The following CBLN2 variants were observed in gnomAD, a reference collection of about 807,000 sequenced individuals.
CBLN2 encodes the protein cerebellin-2.
Under a neutral mutation model 15.0 loss-of-function variants are expected in CBLN2, and 7 were observed. That is an observed-to-expected ratio of 0.47 (90% confidence interval 0.27 to 0.88). The LOEUF (loss-of-function observed/expected upper bound fraction) is 0.88, where lower values mean the gene tolerates loss of function less well. Ranked by LOEUF, CBLN2 falls within the 40% of genes least tolerant of loss-of-function variation. The pLI is 0.14. For synonymous variants in CBLN2, 149 were observed against 135.2 expected (o/e 1.10, Z -0.71); for missense variants, 242 against 304.5 (o/e 0.79, Z 1.53).
chr18:72,557,034 C>T (rs1318845448), intron 1 of CBLN2, among the ~76,000 whole-genome samples: 1 of 151,422 alleles, frequency 6.6e-6, no homozygotes, highest in Non-Finnish European at 1.5e-5. Flanking sequence ...TTTCTATCTT[C>T]TATCATGTCA....
chr18:72,600,086 C>G (rs988300834), intron 1 of CBLN2, among the ~76,000 whole-genome samples: 3 of 152,102 alleles, frequency 2.0e-5, no homozygotes, highest in African/African-American at 7.2e-5. Flanking sequence ...CACCTGTTTC[C>G]CTAGCATTGT....
chr18:72,577,309 T>A (rs1026094583), intron 1 of CBLN2, among the ~76,000 whole-genome samples: 6 of 152,098 alleles, frequency 3.9e-5, no homozygotes, highest in African/African-American at 1.4e-4. Flanking sequence ...GTTTTATAAT[T>A]ATTTTTTAAA....
chr18:72,551,340 T>G (rs1412701947), intron 1 of CBLN2, among the ~76,000 whole-genome samples: 1 of 152,216 alleles, frequency 6.6e-6, no homozygotes, highest in Non-Finnish European at 1.5e-5. Context: ...GTGTATGTTT[T>G]GGTTTATAGA....
chr18:72,632,116 G>C (rs2144980471), intron 1 of CBLN2, among the ~76,000 whole-genome samples: 1 of 152,054 alleles, frequency 6.6e-6, no homozygotes. Context: ...AAATAGTAAT[G>C]ATCAAAAACA....
At chr18:72,591,444 A>T (rs1366385793) in intron 1 of CBLN2, among the ~76,000 whole-genome samples, 1 of 152,184 alleles carries the variant, frequency 6.6e-6, no homozygotes, top group East Asian at 1.9e-4. Context: ...TAATAATCAC[A>T]TCACTGTAAA....
chr18:72,575,718 G>A (rs543812008), intron 1 of CBLN2, among the ~76,000 whole-genome samples: 2 of 152,286 alleles, frequency 1.3e-5, no homozygotes, highest in African/African-American at 4.8e-5. Flanking sequence ...CGATTTTGTT[G>A]ATGCTGGACT....
chr18:72,620,810 T>C (rs1032962664), intron 1 of CBLN2, among the ~76,000 whole-genome samples: 1 of 152,174 alleles, frequency 6.6e-6, no homozygotes, highest in Admixed American at 6.5e-5. Context: ...ATTTTGCCTT[T>C]CCAAAATTGG....
chr18:72,539,123 CA>C (rs1329266742), intron 3 of CBLN2: 1 of 210,186 alleles, frequency 4.8e-6, no homozygotes, highest in East Asian at 1.1e-4. Context: ...AAATTGAGTC[CA>C]GGGAGGTCTG....
At position 72,543,415 on chromosome 18, in the gene CBLN2, G is replaced by A. The variant is rs1318763036; in HGVS notation, c.-167+71C>T. Reference sequence around the variant, plus strand: ...TCCTCCACCCCTCGATCTGGACCAGGGAGAGTCTTCGTTAAAATCCACGCA... The same window carrying A: ...TCCTCCACCCCTCGATCTGGACCAGAGAGAGTCTTCGTTAAAATCCACGCA... On this transcript the variant is annotated intron_variant, in intron 2 of 4. Transcript: ENST00000269503. The surrounding 1 kb of genome is among the most constrained non-coding windows in gnomAD (Gnocchi z 6.8). 5.0e-6 allele frequency: 2 copies of A among 398,164 alleles called. No individual in the cohort carries two copies. The highest frequency in any genetic ancestry group is 4.4e-6 in the Non-Finnish European group (1 of 225,978). 24.7% of individuals were successfully genotyped at this position (398,164 alleles called of 1,614,324 possible). A position where few individuals can be genotyped will look rare whatever the true frequency, so the allele number is the denominator to read the frequency against.
intron 1 of CBLN2, among the ~76,000 whole-genome samples, chr18:72,624,311 G>A (rs979199049): frequency 3.3e-5 from 5 of 151,358 alleles, no homozygotes; most frequent in African/African-American, 1.2e-4. Context: ...TTGTAAAACC[G>A]CATGTTTTTT....
rs2069133326 is a variant in CBLN2, at chr18:72,543,413, A to T, written c.-167+73T>A. ...CCTCCTCCACCCCTCGATCTGGACC[A>T]GGGAGAGTCTTCGTTAAAATCCACG... On this transcript the variant is annotated intron_variant, in intron 2 of 4. Transcript: ENST00000269503. This position sits in a 1 kb window ranked among gnomAD's most constrained non-coding sequence, Gnocchi z 6.8. The T allele has an allele frequency of 5.0e-6, 2 of 397,998 alleles. No individual in the cohort carries two copies. Among genetic ancestry groups the T allele is most frequent in the Non-Finnish European group, 8.9e-6 (2 of 225,876 alleles). 24.7% of individuals were successfully genotyped at this position (397,998 alleles called of 1,614,324 possible).
chr18:72,633,991 C>G (rs2069794968), intron 1 of CBLN2, among the ~76,000 whole-genome samples: 1 of 152,020 alleles, frequency 6.6e-6, no homozygotes, highest in South Asian at 2.1e-4. Flanking sequence ...CTCATGAATC[C>G]TGTTTTAGAG....
intron 1 of CBLN2, among the ~76,000 whole-genome samples, chr18:72,568,104 G>A (rs966826156): frequency 2.6e-5 from 4 of 151,984 alleles, no homozygotes; most frequent in South Asian, 4.2e-4. Flanking sequence ...GTCAAATGCC[G>A]CTATATCCAT....
At chr18:72,540,310 A>G (rs1284918517) in intron 3 of CBLN2, 1 of 152,108 alleles carries the variant, frequency 6.6e-6, no homozygotes, top group Non-Finnish European at 1.5e-5. Flanking sequence ...AGAACACCCA[A>G]CCAGATCCTG....
chr18:72,538,176 T>G lies in CBLN2; in HGVS notation c.675A>C (p.Ter225TyrextTer20), dbSNP rs780827068. 1.9e-6 allele frequency: 3 copies of G among 1,614,058 alleles called. No homozygotes were observed. Among genetic ancestry groups the G allele is most frequent in the Non-Finnish European group, 1.7e-6 (2 of 1,179,996 alleles). Reference sequence around the variant, plus strand: ...CCCCACCATCTAGGGGGCTCTGTGTTTATAGAGGAAACACCAAGAAGCCCG... The same window carrying G: ...CCCCACCATCTAGGGGGCTCTGTGTGTATAGAGGAAACACCAAGAAGCCCG... Reference protein sequence around the residue: ...TFSGFLVFPL* With the variant: ...TFSGFLVFPLY Residue 225 changes from the stop codon to tyrosine, a stop_lost, in exon 5 of 5, where the codon TAA (stop) becomes TAC (tyrosine). Coordinates refer to ENST00000269503, the MANE Select transcript of CBLN2 (RefSeq NM_182511.4).
In CBLN2 at chr18:72,541,992, G is replaced by T. The variant is rs1234749287; in HGVS notation, c.169C>A (p.Pro57Thr). ...AGGCACTTGCCCTCCAGCACGATGG[G>T]CTCCGTGTCGTTCTGCGCCCGCACG... The part of the protein sequence containing the change: ...CPVRAQNDTE[P>T]IVLEGKCLVV... Residue 57 changes from proline (P) to threonine (T), a missense_variant, in exon 3 of 5, where the codon CCC (proline) becomes ACC (threonine). By Grantham distance (38) the Pro-to-Thr change is conservative (BLOSUM62 -1). Coordinates refer to ENST00000269503, the MANE Select transcript of CBLN2 (RefSeq NM_182511.4). The T allele has an allele frequency of 3.7e-6, 6 of 1,604,032 alleles. No individual in the cohort carries two copies. Among genetic ancestry groups the T allele is most frequent in the Non-Finnish European group, 5.1e-6 (6 of 1,179,270 alleles).
At chr18:72,612,234 G>T (rs1293399339) in intron 1 of CBLN2, among the ~76,000 whole-genome samples, 1 of 151,926 alleles carries the variant, frequency 6.6e-6, no homozygotes, top group South Asian at 2.1e-4. Flanking sequence ...CTCTTTTTTG[G>T]TTTCACATGA....
chr18:72,601,428 TTCCATA>T (rs200809400), intron 1 of CBLN2, among the ~76,000 whole-genome samples: 10,267 of 152,076 alleles, frequency 0.068, 367 homozygotes, highest in East Asian at 0.13. Context: ...TGTGCCACAA[TTCCATA>T]AATAGATGTG....
intron 1 of CBLN2, among the ~76,000 whole-genome samples, chr18:72,599,908 G>A (rs1356329666): frequency 6.6e-6 from 1 of 152,208 alleles, no homozygotes; most frequent in Non-Finnish European, 1.5e-5. Context: ...GAGAGGTGAT[G>A]GTCTGAGGGC....
Sources: allele counts gnomAD v4.1 joint callset (sites outside exome capture counted in the v4.1 genomes callset), GRCh38; gene constraint gnomAD v4.1.1; non-coding constraint Gnocchi (gnomAD v3.1); transcripts MANE v1.5; gene names NCBI Gene and HGNC (gene_info 2026-07-23, HGNC 2026-07-21).